The following CTNNA3 variants were observed in gnomAD, a reference collection of about 807,000 sequenced individuals.
The protein encoded by CTNNA3 is catenin alpha 3, also known as catenin alpha-3.
Under a neutral mutation model 95.7 loss-of-function variants are expected in CTNNA3, and 76 were observed. That is an observed-to-expected ratio of 0.79 (90% confidence interval 0.66 to 0.96). CTNNA3 has a LOEUF of 0.96. Ranked by LOEUF, CTNNA3 falls within the 40% of genes least tolerant of loss-of-function variation. CTNNA3 has a pLI of 0.00. For missense variants in CTNNA3, 1,191 were observed against 1,089.8 expected (o/e 1.09, Z -1.31); for synonymous variants, 431 against 374.4 (o/e 1.15, Z -1.74).
chr10:66,470,252 G>C (rs1198546252), intron 11 of CTNNA3, among the ~76,000 whole-genome samples: 1 of 151,806 alleles, frequency 6.6e-6, no homozygotes, highest in Non-Finnish European at 1.5e-5. Flanking sequence ...TGTAAATTAA[G>C]AGACAAGGCC....
intron 7 of CTNNA3, chr10:66,926,487 C>A (rs1173600112): frequency 3.5e-6 from 5 of 1,408,718 alleles, no homozygotes; most frequent in Non-Finnish European, 4.9e-6. Flanking sequence ...TGTCAGCGAG[C>A]CCTGACTCAC....
At chr10:66,749,023 T>C (rs77476468) in intron 9 of CTNNA3, among the ~76,000 whole-genome samples, 2 of 139,494 alleles carry the variant, frequency 1.4e-5, no homozygotes, top group Non-Finnish European at 3.1e-5. Flanking sequence ...AAAAAAAAAA[T>C]ACAAAATTAG....
At chr10:67,718,516 AG>A (rs1325781299) in intron 1 of CTNNA3, among the ~76,000 whole-genome samples, 3 of 152,300 alleles carry the variant, frequency 2.0e-5, no homozygotes, top group African/African-American at 4.8e-5. Context: ...TTTAGCATGA[AG>A]GGGTGTTAAA....
intron 7 of CTNNA3, among the ~76,000 whole-genome samples, chr10:66,804,899 A>G (rs1473602574): frequency 3.9e-5 from 6 of 152,102 alleles, no homozygotes; most frequent in Admixed American, 3.9e-4. Flanking sequence ...AACAGTTTCT[A>G]TATTGATACA....
chr10:66,311,588 C>G (rs562890209), intron 12 of CTNNA3, among the ~76,000 whole-genome samples: 1 of 152,110 alleles, frequency 6.6e-6, no homozygotes, highest in African/African-American at 2.4e-5. Context: ...GGCCTTGACC[C>G]GCAAGCTCCA....
At chr10:67,308,648 A>G (rs888951195) in intron 5 of CTNNA3, among the ~76,000 whole-genome samples, 1 of 152,234 alleles carries the variant, frequency 6.6e-6, no homozygotes, top group African/African-American at 2.4e-5. Context: ...TTCATTAATT[A>G]AACATTCCAT....
chr10:67,213,613 T>A (rs1332483158), intron 6 of CTNNA3, among the ~76,000 whole-genome samples: 1 of 151,838 alleles, frequency 6.6e-6, no homozygotes, highest in Non-Finnish European at 1.5e-5. Context: ...TTTAGCTATA[T>A]CGCTCAAGTT....
At chr10:67,405,207 C>G (rs1009240286) in intron 5 of CTNNA3, among the ~76,000 whole-genome samples, 1 of 151,914 alleles carries the variant, frequency 6.6e-6, no homozygotes, top group Admixed American at 6.6e-5. Flanking sequence ...CCATACATAA[C>G]AGTATTAACC....
Position 66,178,396 on chromosome 10 carries a change from AGT to A in CTNNA3, c.1885-75149_1885-75148del, listed in dbSNP as rs1437951593. On this transcript the variant is annotated intron_variant, in intron 13 of 17. Transcript: ENST00000433211. ...ACAACATACAACTACAAACCTTGAA[AGT>A]GTATATATATATATATATATATATA... Among the ~76,000 whole-genome samples the A allele has an allele frequency of 1.8e-4, 19 of 103,578 alleles. No homozygotes were observed. The South Asian group carries it at 5.9e-3, about 32-fold the overall frequency. The allele number at this position is 103,578 out of a possible 152,430, so 68.0% of individuals were successfully genotyped here.
intron 1 of CTNNA3, among the ~76,000 whole-genome samples, chr10:67,712,516 G>T (rs1222032449): frequency 6.6e-6 from 1 of 152,238 alleles, no homozygotes; most frequent in Non-Finnish European, 1.5e-5. Context: ...TTGGTGCCTT[G>T]TGTCCCAGCT....
intron 5 of CTNNA3, among the ~76,000 whole-genome samples, chr10:67,419,370 A>G (rs1439130550): frequency 6.6e-6 from 1 of 152,116 alleles, no homozygotes; most frequent in East Asian, 1.9e-4. Flanking sequence ...TTTAATTTCA[A>G]CTTTTATTTT....
intron 7 of CTNNA3, among the ~76,000 whole-genome samples, chr10:67,010,998 C>T (rs1452134069): frequency 6.6e-6 from 1 of 151,966 alleles, no homozygotes; most frequent in African/African-American, 2.4e-5. Flanking sequence ...TCTATAAAAT[C>T]TCATATTATT....
intron 4 of CTNNA3, among the ~76,000 whole-genome samples, chr10:67,528,699 G>A (rs1189811415): frequency 1.3e-5 from 2 of 152,072 alleles, no homozygotes; most frequent in African/African-American, 2.4e-5. Context: ...TAAATTCCAA[G>A]AGAGCAGGAT....
At chr10:66,301,160 T>C (rs2091857684) in intron 12 of CTNNA3, among the ~76,000 whole-genome samples, 1 of 152,022 alleles carries the variant, frequency 6.6e-6, no homozygotes, top group Non-Finnish European at 1.5e-5. Flanking sequence ...TTATAGCTAT[T>C]GAGGAGATTG....
intron 3 of CTNNA3, among the ~76,000 whole-genome samples, chr10:67,557,660 C>A (rs1026499877): frequency 6.6e-6 from 1 of 152,152 alleles, no homozygotes; most frequent in Non-Finnish European, 1.5e-5. Context: ...TTTCAAATAA[C>A]AGAATCTATT....
chr10:66,816,712 T>A (rs1424960074), intron 7 of CTNNA3, among the ~76,000 whole-genome samples: 1 of 152,074 alleles, frequency 6.6e-6, no homozygotes, highest in African/African-American at 2.4e-5. Flanking sequence ...CATCTAAAAA[T>A]TGCAGATTGT....
chr10:66,940,009 T>TA (rs1847913910), intron 7 of CTNNA3, among the ~76,000 whole-genome samples: 1 of 152,158 alleles, frequency 6.6e-6, no homozygotes, highest in Non-Finnish European at 1.5e-5. Flanking sequence ...ATTTTTTTTT[T>TA]AATTCTTCTT....
intron 7 of CTNNA3, among the ~76,000 whole-genome samples, chr10:66,787,459 A>G (rs1840793747): frequency 6.6e-6 from 1 of 152,064 alleles, no homozygotes; most frequent in Admixed American, 6.6e-5. Context: ...ACTTATTCAC[A>G]GCTTTATCTC....
intron 11 of CTNNA3, among the ~76,000 whole-genome samples, chr10:66,481,049 T>C (rs1417238970): frequency 6.6e-6 from 1 of 152,032 alleles, no homozygotes; most frequent in Non-Finnish European, 1.5e-5. Flanking sequence ...AGTGAGTAAA[T>C]AAAGGAGAAC....
Sources: gnomAD v4.1 joint callset for allele counts (sites outside exome capture counted in the v4.1 genomes callset) on GRCh38, gnomAD v4.1.1 for gene constraint, MANE v1.5 for transcripts, NCBI Gene and HGNC (gene_info 2026-07-23, HGNC 2026-07-21) for gene names.